KDM4C: variants seen among roughly 807,000 people sequenced by gnomAD.
KDM4C encodes the protein lysine-specific demethylase 4C.
A neutral mutation model predicts 129.3 loss-of-function variants in KDM4C; 81 were observed. The ratio of observed to expected loss-of-function variants is 0.63; its 90% confidence interval spans 0.52 to 0.75. KDM4C has a LOEUF of 0.75. Among genes scored for constraint, KDM4C ranks in the 30% least tolerant of loss-of-function variants. The probability of loss-of-function intolerance (pLI) is 0.00; values close to 1 mark genes in which losing one functional copy is unlikely to be tolerated. For missense variants in KDM4C, 1,457 were observed against 1,304.0 expected (o/e 1.12, Z -1.81); for synonymous variants, 573 against 456.1 (o/e 1.26, Z -3.26).
intron 5 of KDM4C, among the ~76,000 whole-genome samples, chr9:6,852,416 C>G (rs1839015780): frequency 6.6e-6 from 1 of 152,160 alleles, no homozygotes; most frequent in Non-Finnish European, 1.5e-5. Flanking sequence ...TCCCCCAAGT[C>G]ACAAGGTTAG....
At chr9:7,026,422 A>C (rs549298518) in intron 15 of KDM4C, among the ~76,000 whole-genome samples, 27 of 151,850 alleles carry the variant, frequency 1.8e-4, no homozygotes, top group Non-Finnish European at 3.5e-4. Context: ...CTGGCCTGTT[A>C]GGTTTTCACT....
At chr9:7,016,297 T>G (rs1823665751) in intron 15 of KDM4C, among the ~76,000 whole-genome samples, 1 of 151,974 alleles carries the variant, frequency 6.6e-6, no homozygotes, top group South Asian at 2.1e-4. Flanking sequence ...CTGGCTAATT[T>G]TTTGTATTTT....
At chr9:6,757,072 C>T (rs188007553), upstream of KDM4C, among the ~76,000 whole-genome samples, 1 of 152,168 alleles carries the variant, frequency 6.6e-6, no homozygotes, top group Non-Finnish European at 1.5e-5. Flanking sequence ...TGCAAAACAT[C>T]TGATGCTCAA....
chr9:6,887,141 A>G (rs1845432779), intron 6 of KDM4C, among the ~76,000 whole-genome samples: 1 of 151,808 alleles, frequency 6.6e-6, no homozygotes, highest in Non-Finnish European at 1.5e-5. Flanking sequence ...TGTTTTTCCA[A>G]TCCCTTCAGC....
At chr9:7,026,766 C>A (rs1825883690) in intron 15 of KDM4C, among the ~76,000 whole-genome samples, 1 of 151,950 alleles carries the variant, frequency 6.6e-6, no homozygotes, top group Non-Finnish European at 1.5e-5. Context: ...AGGTGTGCTT[C>A]ACTGGTTTTT....
intron 18 of KDM4C, among the ~76,000 whole-genome samples, chr9:7,118,838 C>A (rs1049953571): frequency 6.6e-6 from 1 of 152,102 alleles, no homozygotes; most frequent in Non-Finnish European, 1.5e-5. Flanking sequence ...GACATCTCCG[C>A]CCATGACTCA....
intron 2 of KDM4C, among the ~76,000 whole-genome samples, chr9:6,801,478 C>G (rs1409928459): frequency 6.6e-6 from 1 of 151,294 alleles, no homozygotes; most frequent in Non-Finnish European, 1.5e-5. Flanking sequence ...ACATCGTGAT[C>G]CACCCGCCTT....
intron 1 of KDM4C, among the ~76,000 whole-genome samples, chr9:6,732,985 C>T (rs1295338585): frequency 2.0e-5 from 3 of 151,804 alleles, no homozygotes; most frequent in Non-Finnish European, 4.4e-5. Context: ...TGCACTCCAG[C>T]CTGGGTGACA....
chr9:6,967,160 A>G (rs1443811610), intron 8 of KDM4C, among the ~76,000 whole-genome samples: 10 of 152,142 alleles, frequency 6.6e-5, no homozygotes, highest in Admixed American at 6.5e-4. Flanking sequence ...ATGGTGGCTC[A>G]CACCTGTAAT....
chr9:7,017,405 A>C (rs1284389961), intron 15 of KDM4C, among the ~76,000 whole-genome samples: 1 of 152,188 alleles, frequency 6.6e-6, no homozygotes, highest in Non-Finnish European at 1.5e-5. Flanking sequence ...AATTGACTTG[A>C]CCTAAATTGT....
At chr9:6,720,990 A>C (rs1455905487) in exon 1 of KDM4C, 1 of 1,551,454 alleles carries the variant, frequency 6.4e-7, no homozygotes. Context: ...CTGAAGAAGC[A>C]GCTGCAGGTG....
At chr9:7,118,077 A>C (rs977346673) in intron 18 of KDM4C, among the ~76,000 whole-genome samples, 2 of 152,204 alleles carry the variant, frequency 1.3e-5, no homozygotes, top group African/African-American at 4.8e-5. Context: ...CTTACCAAAC[A>C]GGGCCACTAC....
intron 1 of KDM4C, among the ~76,000 whole-genome samples, chr9:6,749,790 C>T (rs1168116838): frequency 6.6e-6 from 1 of 150,900 alleles, no homozygotes; most frequent in African/African-American, 2.4e-5. Flanking sequence ...AGTTCGAGGC[C>T]AGCCTGACCA....
At chr9:7,125,060 C>G (rs1039995596) in intron 18 of KDM4C, among the ~76,000 whole-genome samples, 3 of 152,070 alleles carry the variant, frequency 2.0e-5, no homozygotes, top group Non-Finnish European at 2.9e-5. Context: ...CAGTGGCTTC[C>G]TAGGTTCACA....
At chr9:7,165,514 C>T (rs922785960) in intron 20 of KDM4C, among the ~76,000 whole-genome samples, 157 bp downstream of exon 20, 1 of 152,204 alleles carries the variant, frequency 6.6e-6, no homozygotes, top group Non-Finnish European at 1.5e-5. Flanking sequence ...TGACCCAGGT[C>T]GAAACCCTGG....
intron 8 of KDM4C, among the ~76,000 whole-genome samples, chr9:6,924,366 C>G (rs1031368279): frequency 3.3e-5 from 5 of 152,172 alleles, no homozygotes; most frequent in African/African-American, 7.2e-5. Context: ...TGGGCCGCCA[C>G]CACAGGCCCC....
chr9:7,096,367 A>G (rs1306791735), intron 17 of KDM4C, among the ~76,000 whole-genome samples: 1 of 152,174 alleles, frequency 6.6e-6, no homozygotes, highest in Non-Finnish European at 1.5e-5. Flanking sequence ...GCAGAGGGGA[A>G]GCACTATTTT....
At chr9:6,862,743 G>A (rs1172045308) in intron 5 of KDM4C, among the ~76,000 whole-genome samples, 2 of 152,018 alleles carry the variant, frequency 1.3e-5, no homozygotes, top group African/African-American at 4.8e-5. Context: ...GGAGGAGGAG[G>A]ATGCAGTGAG....
intron 4 of KDM4C, among the ~76,000 whole-genome samples, chr9:6,831,008 C>CTCAA (rs1422828578): frequency 6.6e-6 from 1 of 152,178 alleles, no homozygotes; most frequent in Non-Finnish European, 1.5e-5. Flanking sequence ...TAAGAAAAGG[C>CTCAA]TCAAGTACAG....
Sources: gnomAD v4.1 joint callset for allele counts (sites outside exome capture counted in the v4.1 genomes callset) on GRCh38, gnomAD v4.1.1 for gene constraint, MANE v1.5 for transcripts, NCBI Gene and HGNC (gene_info 2026-07-23, HGNC 2026-07-21) for gene names.